DPP10: variants seen among roughly 807,000 people sequenced by gnomAD.
The protein encoded by DPP10 is inactive dipeptidyl peptidase 10.
In DPP10, 33 loss-of-function variants were observed where a neutral mutation model predicts 120.9. That is an observed-to-expected ratio of 0.27 (90% CI 0.21 to 0.37). The LOEUF is 0.37. DPP10 is among the 10% of genes least tolerant of loss of function. The probability of loss-of-function intolerance (pLI) is 1.00; values close to 1 mark genes in which losing one functional copy is unlikely to be tolerated. For synonymous variants in DPP10, 337 were observed against 326.1 expected, an observed-to-expected ratio of 1.03 and a Z score of -0.36; for missense variants, 816 against 942.8, an observed-to-expected ratio of 0.87 and a Z score of 1.76.
At chr2:115,247,522 A>C (rs1271407002) in intron 1 of DPP10, among the ~76,000 whole-genome samples, 4 of 152,132 alleles carry the variant, frequency 2.6e-5, no homozygotes. Context: ...CCATGAAAGG[A>C]GCCCTAGAGG....
At chr2:114,535,353 A>G (rs1474080527) in intron 1 of DPP10, among the ~76,000 whole-genome samples, 2 of 152,240 alleles carry the variant, frequency 1.3e-5, no homozygotes, top group Non-Finnish European at 2.9e-5. Context: ...GCTTTCAAGC[A>G]CTAAAAGTGC....
At chr2:115,402,855 ATAT>A (rs1344048141) in intron 3 of DPP10, among the ~76,000 whole-genome samples, 6,386 of 61,762 alleles carry the variant, frequency 0.1, 444 homozygotes, top group Admixed American at 0.2. Context: ...AAAAAAAAAA[ATAT>A]ATATATATAT....
chr2:115,584,215 C>A (rs917686748), intron 5 of DPP10, among the ~76,000 whole-genome samples: 1 of 152,170 alleles, frequency 6.6e-6, no homozygotes, highest in Non-Finnish European at 1.5e-5. Context: ...TTTTAAGATA[C>A]ATTTTTCATC....
intron 5 of DPP10, among the ~76,000 whole-genome samples, chr2:115,646,962 C>T (rs2087319119): frequency 6.6e-6 from 1 of 152,116 alleles, no homozygotes; most frequent in Non-Finnish European, 1.5e-5. Context: ...GTCACCAAAA[C>T]TGTAGGCTAT....
At chr2:115,385,618 A>C (rs532292857) in intron 3 of DPP10, among the ~76,000 whole-genome samples, 1 of 152,184 alleles carries the variant, frequency 6.6e-6, no homozygotes, top group South Asian at 2.1e-4. Context: ...CAGCTTCCCA[A>C]AGTGCTGGGA....
At chr2:115,527,168 G>A (rs1309036652) in intron 5 of DPP10, among the ~76,000 whole-genome samples, 1 of 151,990 alleles carries the variant, frequency 6.6e-6, no homozygotes, top group Non-Finnish European at 1.5e-5. Context: ...ACTGGCAGTA[G>A]GACAAACACA....
intron 3 of DPP10, among the ~76,000 whole-genome samples, chr2:115,477,292 A>G (rs2075148120): frequency 6.6e-6 from 1 of 152,188 alleles, no homozygotes; most frequent in Non-Finnish European, 1.5e-5. Flanking sequence ...GTTAGAACTA[A>G]TTAAAAACAA....
intron 3 of DPP10, among the ~76,000 whole-genome samples, chr2:115,349,305 C>G (rs2063872178): frequency 6.6e-6 from 1 of 152,062 alleles, no homozygotes; most frequent in African/African-American, 2.4e-5. Flanking sequence ...CTCATTAAAT[C>G]AAGGTAAGCC....
intron 1 of DPP10, among the ~76,000 whole-genome samples, chr2:114,667,129 A>AT (rs1326753371): frequency 6.6e-6 from 1 of 152,142 alleles, no homozygotes; most frequent in Non-Finnish European, 1.5e-5. Context: ...GCCTGGCTGG[A>AT]TTTGGTTCAA....
chr2:115,711,857 A>G (rs2149573302), intron 7 of DPP10, among the ~76,000 whole-genome samples: 1 of 151,044 alleles, frequency 6.6e-6, no homozygotes, highest in East Asian at 2.0e-4. Flanking sequence ...TTAAGAAGAT[A>G]TACTTTAAAA....
chr2:114,527,799 A>G (rs562595647), intron 1 of DPP10, among the ~76,000 whole-genome samples: 1 of 152,284 alleles, frequency 6.6e-6, no homozygotes. Context: ...TATTGCTCCT[A>G]AGATACAAAC....
intron 1 of DPP10, among the ~76,000 whole-genome samples, chr2:114,558,914 G>A (rs1342767046): frequency 6.6e-6 from 1 of 152,210 alleles, no homozygotes; most frequent in South Asian, 2.1e-4. Flanking sequence ...TTTGTATTGG[G>A]TATTTCAATA....
At chr2:115,594,690 A>C (rs551935277) in intron 5 of DPP10, among the ~76,000 whole-genome samples, 2 of 152,262 alleles carry the variant, frequency 1.3e-5, no homozygotes, top group South Asian at 4.1e-4. Flanking sequence ...CATAAGAAGC[A>C]AGTTTTGTAC....
intron 1 of DPP10, among the ~76,000 whole-genome samples, chr2:115,022,395 A>G (rs1007540785): frequency 2.0e-5 from 3 of 152,106 alleles, no homozygotes; most frequent in African/African-American, 7.2e-5. Flanking sequence ...CAAATCAAGA[A>G]CTCAACCCCT....
chr2:115,003,011 G>C (rs755703919), intron 1 of DPP10, among the ~76,000 whole-genome samples: 22 of 151,786 alleles, frequency 1.4e-4, no homozygotes, highest in Admixed American at 6.6e-5. Context: ...TCATTACTGG[G>C]TATATACTCA....
chr2:114,815,863 A>T (rs1229502424), intron 1 of DPP10, among the ~76,000 whole-genome samples: 1 of 145,260 alleles, frequency 6.9e-6, no homozygotes, highest in Non-Finnish European at 1.5e-5. Context: ...ATCTTTGGCC[A>T]ATCACTTAAA....
chr2:114,631,264 C>A (rs1694901662), intron 1 of DPP10, among the ~76,000 whole-genome samples: 2 of 152,122 alleles, frequency 1.3e-5, no homozygotes, highest in Middle Eastern at 3.4e-3. Context: ...AAGTAAGATG[C>A]TGGAGTTTCC....
chr2:115,322,133 T>C (rs957651866), intron 2 of DPP10, among the ~76,000 whole-genome samples: 16 of 152,160 alleles, frequency 1.1e-4, no homozygotes, highest in Non-Finnish European at 2.1e-4. Flanking sequence ...AGTGTACATC[T>C]TGAATATTAC....
chr2:115,601,555 T>C (rs1156715182), intron 5 of DPP10, among the ~76,000 whole-genome samples: 1 of 152,246 alleles, frequency 6.6e-6, no homozygotes, highest in African/African-American at 2.4e-5. Flanking sequence ...TGACAGAAAT[T>C]CTACCCTATT....
Sources: allele counts gnomAD v4.1 joint callset (sites outside exome capture counted in the v4.1 genomes callset), GRCh38; gene constraint gnomAD v4.1.1; transcripts MANE v1.5; gene names NCBI Gene and HGNC (gene_info 2026-07-23, HGNC 2026-07-21).